The following NCBP1 variants were observed in gnomAD, a reference collection of about 807,000 sequenced individuals.
The protein encoded by NCBP1 is nuclear cap-binding protein subunit 1.
NCBP1 carries 16 observed loss-of-function variants against 111.7 expected under a neutral mutation model. The observed-to-expected ratio is 0.14, with a 90% CI of 0.10 to 0.22. The LOEUF is 0.22. NCBP1 is among the 10% of genes least tolerant of loss of function. NCBP1 has a pLI of 1.00. For missense variants in NCBP1, 607 were observed against 957.5 expected, an observed-to-expected ratio of 0.63 and a Z score of 4.83; for synonymous variants, 304 against 314.3, an observed-to-expected ratio of 0.97 and a Z score of 0.35.
chr9:97,638,926 G>A (rs1470416040), intron 1 of NCBP1, among the ~76,000 whole-genome samples: 2 of 152,164 alleles, frequency 1.3e-5, no homozygotes, highest in African/African-American at 4.8e-5. Flanking sequence ...CTAGCTGGCA[G>A]CTTGCGTAAA....
chr9:97,670,999 G>A (rs545065881), intron 22 of NCBP1, 87 bp from the exon 23 acceptor site: 2 of 782,848 alleles, frequency 2.6e-6, no homozygotes, highest in African/African-American at 1.8e-5. Flanking sequence ...TCATTCTGCA[G>A]CATGGGTGGG....
At chr9:97,638,776 G>A (rs550349974) in intron 1 of NCBP1, among the ~76,000 whole-genome samples, 6 of 152,166 alleles carry the variant, frequency 3.9e-5, no homozygotes, top group Admixed American at 6.5e-5. Context: ...CAGCATGCCT[G>A]GCCCCTACCC....
chr9:97,635,938 T>C (rs1043312359), intron 1 of NCBP1: 5 of 152,214 alleles, frequency 3.3e-5, no homozygotes, highest in Admixed American at 1.3e-4. Context: ...AAAATAACTT[T>C]TGCTTTGGTT....
chr9:97,662,142 A>G lies in NCBP1; in HGVS notation c.1701A>G (p.Ala567=). ...KSFSHSFSAL[A]KFHEVFKTLA... Reference sequence around the variant, plus strand: ...TCAGCCACTCCTTCAGTGCTCTTGCAAAGTATGTATGAGTACAGAGCCTTG... The same window carrying G: ...TCAGCCACTCCTTCAGTGCTCTTGCGAAGTATGTATGAGTACAGAGCCTTG... The change falls in exon 17 of 23, where the codon GCA becomes GCG. Residue 567 remains alanine, a splice_region_variant and synonymous_variant. Coordinates refer to ENST00000375147, the MANE Select transcript of NCBP1 (RefSeq NM_002486.5). The G allele has an allele frequency of 6.2e-7, 1 of 1,609,738 alleles. No homozygotes were observed. The highest frequency in any genetic ancestry group is 8.5e-7 in the Non-Finnish European group (1 of 1,176,024).
At chr9:97,665,269 T>C (rs1349023305) in intron 19 of NCBP1, among the ~76,000 whole-genome samples, 2 of 152,264 alleles carry the variant, frequency 1.3e-5, no homozygotes, top group Non-Finnish European at 2.9e-5. Flanking sequence ...TTTTCAGATT[T>C]GTAAACTCTC....
chr9:97,650,419 T>C, intron 8 of NCBP1, 84 bp from the exon 9 acceptor site: 1 of 1,012,194 alleles, frequency 9.9e-7, no homozygotes. Context: ...GCTTGGAACA[T>C]AATAGTCTCT....
At chr9:97,664,318 T>C in intron 18 of NCBP1, 22 bp from the exon 19 acceptor site, 1 of 1,468,498 alleles carries the variant, frequency 6.8e-7, no homozygotes, top group Non-Finnish European at 9.5e-7. Flanking sequence ...TGTGATTTAC[T>C]TGAATAATTC....
Position 97,670,188 on chromosome 9 carries a change from G to A in NCBP1, c.2259+482G>A, listed in dbSNP as rs540088514. The A allele has an allele frequency of 2.3e-5, 5 of 214,186 alleles. No individual in the cohort carries two copies. In the South Asian group the frequency reaches 4.1e-4, roughly 17 times the overall value. 13.3% of individuals were successfully genotyped at this position (214,186 alleles called of 1,614,324 possible). On this transcript the variant is annotated intron_variant, in intron 22 of 22. Coordinates refer to ENST00000375147, the MANE Select transcript of NCBP1 (RefSeq NM_002486.5). ...CCTCCGCCTCCCAAAGTGCTGCTGG[G>A]ATTATAGGCGTGAGCCACGGTGCCC...
chr9:97,661,206 C>T, intron 16 of NCBP1, 138 bp downstream of exon 16: 1 of 957,576 alleles, frequency 1.0e-6, no homozygotes, highest in Non-Finnish European at 1.5e-6. Flanking sequence ...TTCTTAGCAC[C>T]CCAGGTATTT....
At chr9:97,650,305 C>G (rs1827464899) in intron 8 of NCBP1, among the ~76,000 whole-genome samples, 198 bp from the exon 9 acceptor site, 1 of 152,150 alleles carries the variant, frequency 6.6e-6, no homozygotes, top group African/African-American at 2.4e-5. Context: ...GTAGAAAAAA[C>G]ACTACAGCTG....
chr9:97,652,415 C>G (rs1307634714), intron 10 of NCBP1, among the ~76,000 whole-genome samples: 2 of 152,044 alleles, frequency 1.3e-5, no homozygotes, highest in African/African-American at 2.4e-5. Flanking sequence ...CTCAGGAGTT[C>G]GAGACCAGCC....
intron 10 of NCBP1, among the ~76,000 whole-genome samples, chr9:97,652,685 G>A (rs1827532619): frequency 6.6e-6 from 1 of 152,252 alleles, no homozygotes; most frequent in East Asian, 1.9e-4. Context: ...ATCCTCTACC[G>A]ACTGAGCTAG....
chr9:97,660,850 G>A (rs1301098245), intron 15 of NCBP1, 96 bp from the exon 16 acceptor site: 2 of 1,406,146 alleles, frequency 1.4e-6, no homozygotes, highest in South Asian at 1.5e-5. Flanking sequence ...TTGAAAGGAA[G>A]AATTTAAAAA....
In NCBP1 at chr9:97,645,175, C is replaced by T; in HGVS notation, c.440C>T (p.Ala147Val). Residue 147 changes from alanine to valine, a missense_variant, in exon 5 of 23, where the codon GCT becomes GTT. This residue lies in a region of NCBP1 where 185 missense variants were observed against 272.0 expected (regional missense o/e 0.68). Transcript: ENST00000375147. Reference protein sequence around the residue: ...CHVIAAPSMVAMFENFVSVTQ... With the variant: ...CHVIAAPSMVVMFENFVSVTQ... ...GTGATTGCCGCCCCATCAATGGTTG[C>T]TATGTTTGAAAATTTTGTAAGCGTA... The T allele has an allele frequency of 2.5e-6, 4 of 1,613,366 alleles. No individual in the cohort carries two copies. Among genetic ancestry groups the T allele is most frequent in the Non-Finnish European group, 3.4e-6 (4 of 1,179,540 alleles).
At chr9:97,662,727 G>A (rs1452915076) in intron 17 of NCBP1, among the ~76,000 whole-genome samples, 3 of 152,174 alleles carry the variant, frequency 2.0e-5, no homozygotes, top group African/African-American at 4.8e-5. Flanking sequence ...TTAAACTGTA[G>A]CCCTGGGCTA....
At chr9:97,641,516 A>C (rs373190665) in intron 2 of NCBP1, 46 bp from the exon 3 acceptor site, 1 of 1,372,636 alleles carries the variant, frequency 7.3e-7, no homozygotes, top group Non-Finnish European at 9.6e-7. Flanking sequence ...AAATAAATTT[A>C]TGTTGCTGAG....
intron 6 of NCBP1, 113 bp from the exon 7 acceptor site, chr9:97,647,379 C>T (rs1489752593): frequency 4.0e-6 from 3 of 742,536 alleles, no homozygotes; most frequent in Non-Finnish European, 6.8e-6. Flanking sequence ...TCTGCCACTC[C>T]AGTAGGTAAA....
intron 12 of NCBP1, among the ~76,000 whole-genome samples, chr9:97,655,270 G>A (rs939637235): frequency 1.3e-5 from 2 of 152,110 alleles, no homozygotes; most frequent in Admixed American, 1.3e-4. Flanking sequence ...GAGTGCAGTG[G>A]GATGAGCATA....
chr9:97,641,090 G>T (rs1386045690), intron 2 of NCBP1, among the ~76,000 whole-genome samples: 1 of 152,036 alleles, frequency 6.6e-6, no homozygotes, highest in Non-Finnish European at 1.5e-5. Context: ...AATTTTCATA[G>T]AAGATGAGCC....
Sources: allele counts gnomAD v4.1 joint callset (sites outside exome capture counted in the v4.1 genomes callset), GRCh38; gene constraint gnomAD v4.1.1; regional missense constraint gnomAD v4.1.1; transcripts MANE v1.5; gene names NCBI Gene and HGNC (gene_info 2026-07-23, HGNC 2026-07-21).